The following KCNQ5 variants were observed in gnomAD, a reference collection of about 807,000 sequenced individuals.
The protein encoded by KCNQ5 is potassium voltage-gated channel subfamily Q member 5.
Under a neutral mutation model 98.2 loss-of-function variants are expected in KCNQ5, and 30 were observed. That is an observed-to-expected ratio of 0.31 (90% CI 0.23 to 0.41). The LOEUF (loss-of-function observed/expected upper bound fraction) is 0.41. Ranked by LOEUF, KCNQ5 falls within the 10% of genes least tolerant of loss-of-function variation. KCNQ5 has a pLI of 1.00. For missense variants in KCNQ5, 835 were observed against 1,182.5 expected, an observed-to-expected ratio of 0.71 and a Z score of 4.31; for synonymous variants, 458 against 449.4, an observed-to-expected ratio of 1.02 and a Z score of -0.24.
At chr6:72,713,818 G>T (rs1394172188) in intron 1 of KCNQ5, among the ~76,000 whole-genome samples, 2 of 152,282 alleles carry the variant, frequency 1.3e-5, no homozygotes, top group Non-Finnish European at 1.5e-5. Context: ...AACCACTTAA[G>T]ATGATATTCC....
At chr6:72,838,949 C>CAAAAAAAAAAAAA (rs67894922) in intron 1 of KCNQ5, among the ~76,000 whole-genome samples, 3 of 58,720 alleles carry the variant, frequency 5.1e-5, no homozygotes, top group South Asian at 9.7e-4. Flanking sequence ...GACTCCGTCT[C>CAAAAAAAAAAAAA]AAAAAAAAAA....
At chr6:73,081,529 T>A (rs1005421412) in intron 5 of KCNQ5, among the ~76,000 whole-genome samples, 1 of 152,146 alleles carries the variant, frequency 6.6e-6, no homozygotes, top group African/African-American at 2.4e-5. Context: ...CCAGCCTGGG[T>A]GCTTGAGTGA....
intron 10 of KCNQ5, among the ~76,000 whole-genome samples, chr6:73,158,300 C>G (rs1363845344): frequency 1.3e-5 from 2 of 148,302 alleles, no homozygotes; most frequent in African/African-American, 4.9e-5. Flanking sequence ...ACGGAGTCTC[C>G]CTCTGTCGCC....
chr6:72,674,895 A>T (rs1041544074), intron 1 of KCNQ5, among the ~76,000 whole-genome samples: 5 of 152,184 alleles, frequency 3.3e-5, no homozygotes, highest in Non-Finnish European at 4.4e-5. Flanking sequence ...TTCAGAGAAT[A>T]GTTCTATTTT....
chr6:72,718,813 G>C (rs113878359), intron 1 of KCNQ5, among the ~76,000 whole-genome samples: 67 of 152,212 alleles, frequency 4.4e-4, no homozygotes, highest in African/African-American at 1.5e-3. Context: ...GACAAGGAGA[G>C]ACTAAACAAA....
chr6:72,627,303 A>C (rs1474102954), intron 1 of KCNQ5, among the ~76,000 whole-genome samples: 1 of 152,192 alleles, frequency 6.6e-6, no homozygotes, highest in African/African-American at 2.4e-5. Context: ...GAGTGAGGGC[A>C]TAGTGGAGGC....
chr6:72,760,707 C>T (rs1229710575), intron 1 of KCNQ5, among the ~76,000 whole-genome samples: 1 of 152,056 alleles, frequency 6.6e-6, no homozygotes, highest in Non-Finnish European at 1.5e-5. Flanking sequence ...GGTTAAAAGA[C>T]TTCTACCCAT....
At chr6:72,804,365 A>G (rs1774839817) in intron 1 of KCNQ5, among the ~76,000 whole-genome samples, 2 of 147,824 alleles carry the variant, frequency 1.4e-5, no homozygotes, top group Non-Finnish European at 1.5e-5. Flanking sequence ...TCCATTCTCT[A>G]TCTCCTTAAG....
chr6:73,100,058 A>G (rs1774696243), intron 5 of KCNQ5, among the ~76,000 whole-genome samples: 3 of 152,256 alleles, frequency 2.0e-5, no homozygotes, highest in Admixed American at 1.3e-4. Flanking sequence ...AACTATACAA[A>G]CACATGTAAA....
chr6:72,783,959 A>G (rs1288507847), intron 1 of KCNQ5, among the ~76,000 whole-genome samples: 1 of 152,184 alleles, frequency 6.6e-6, no homozygotes, highest in Non-Finnish European at 1.5e-5. Context: ...AGAACACAAA[A>G]GGCCGTGTAG....
chr6:73,030,118 A>G (rs1473043687), intron 2 of KCNQ5, among the ~76,000 whole-genome samples: 1 of 152,148 alleles, frequency 6.6e-6, no homozygotes, highest in Non-Finnish European at 1.5e-5. Flanking sequence ...TTTCTTTGTG[A>G]TCTAGTTGTT....
intron 1 of KCNQ5, among the ~76,000 whole-genome samples, chr6:72,649,528 C>T (rs1342153392): frequency 6.6e-6 from 1 of 152,132 alleles, no homozygotes; most frequent in Non-Finnish European, 1.5e-5. Flanking sequence ...CTCAGTGAGA[C>T]TTCCTAAATT....
At chr6:72,781,376 T>G (rs1272181952) in intron 1 of KCNQ5, among the ~76,000 whole-genome samples, 1 of 152,176 alleles carries the variant, frequency 6.6e-6, no homozygotes, top group East Asian at 1.9e-4. Context: ...GAGAATAGAT[T>G]TGTTGTCTTA....
At chr6:73,042,475 G>T (rs1463807314) in intron 3 of KCNQ5, among the ~76,000 whole-genome samples, 2 of 151,924 alleles carry the variant, frequency 1.3e-5, no homozygotes, top group East Asian at 3.8e-4. Context: ...AACCCTTTTT[G>T]CTCTACAATA....
At chr6:72,861,375 A>T (rs970856971) in intron 1 of KCNQ5, among the ~76,000 whole-genome samples, 2 of 152,300 alleles carry the variant, frequency 1.3e-5, no homozygotes, top group East Asian at 3.9e-4. Context: ...ATGTAGAAGA[A>T]AGACCAGTGT....
At chr6:73,172,590 T>C (rs939674454) in intron 11 of KCNQ5, among the ~76,000 whole-genome samples, 2 of 152,190 alleles carry the variant, frequency 1.3e-5, no homozygotes, top group East Asian at 3.8e-4. Flanking sequence ...TTTCCTAAGG[T>C]GTTTAATTAT....
chr6:72,953,074 T>A (rs1766883230), intron 1 of KCNQ5, among the ~76,000 whole-genome samples: 1 of 152,198 alleles, frequency 6.6e-6, no homozygotes, highest in African/African-American at 2.4e-5. Flanking sequence ...CAGTGATTAT[T>A]TGTTAAGTAC....
intron 2 of KCNQ5, among the ~76,000 whole-genome samples, chr6:73,008,428 A>G (rs554599430): frequency 7.9e-5 from 12 of 152,166 alleles, no homozygotes; most frequent in Non-Finnish European, 1.3e-4. Flanking sequence ...AAGATATTTT[A>G]TGCAAATAGT....
intron 5 of KCNQ5, among the ~76,000 whole-genome samples, chr6:73,084,298 G>T (rs1582322832): frequency 6.6e-6 from 1 of 152,258 alleles, no homozygotes; most frequent in East Asian, 1.9e-4. Context: ...AGTGTAAAGG[G>T]ATTATTTATT....
Sources: allele counts gnomAD v4.1 joint callset (sites outside exome capture counted in the v4.1 genomes callset), GRCh38; gene constraint gnomAD v4.1.1; transcripts MANE v1.5; gene names NCBI Gene and HGNC (gene_info 2026-07-23, HGNC 2026-07-21).